CCND1: variants seen among roughly 807,000 people sequenced by gnomAD.
The protein encoded by CCND1 is G1/S-specific cyclin-D1.
A neutral mutation model predicts 26.1 loss-of-function variants in CCND1; 9 were observed. That is an observed-to-expected ratio of 0.35 (90% confidence interval 0.21 to 0.60). The LOEUF (loss-of-function observed/expected upper bound fraction) is 0.60, where lower values mean the gene tolerates loss of function less well. Ranked by LOEUF, CCND1 falls within the 20% of genes least tolerant of loss-of-function variation. CCND1 has a pLI of 0.79. For missense variants in CCND1, 335 were observed against 392.9 expected, an observed-to-expected ratio of 0.85 and a Z score of 1.25; for synonymous variants, 194 against 166.1, an observed-to-expected ratio of 1.17 and a Z score of -1.29.
chr11:69,651,885 G>A lies in CCND1; in HGVS notation c.*603G>A, dbSNP rs186742914. On this transcript the variant is annotated 3_prime_UTR_variant, in exon 5 of 5. Transcript: ENST00000227507. The stretch of plus-strand genomic sequence containing the variant: ...GTAGTCACTTTATAAGTCATTGTAT[G>A]TTATTATATTCCGTAGGTAGATGTG... 4.3e-6 allele frequency: 1 copy of A among 233,068 alleles called. No homozygotes were observed. The highest frequency in any genetic ancestry group is 6.0e-5 in the East Asian group (1 of 16,584). 14.4% of individuals were successfully genotyped at this position (233,068 alleles called of 1,614,324 possible).
In CCND1 at chr11:69,653,321, T is replaced by C. The variant is rs930309612; in HGVS notation, c.*2039T>C. On this transcript the variant is annotated 3_prime_UTR_variant, in exon 5 of 5. Coordinates refer to ENST00000227507, the MANE Select transcript of CCND1 (RefSeq NM_053056.3). ...GTATCTCTTTCACATTGTTTGCTGCTATTGGAGGATCAGTTTTTTGTTTTA... is the reference window on the plus strand; with the variant it reads ...GTATCTCTTTCACATTGTTTGCTGCCATTGGAGGATCAGTTTTTTGTTTTA... 1.4e-6 allele frequency: 1 copy of C among 702,830 alleles called. No individual in the cohort carries two copies. The highest frequency in any genetic ancestry group is 1.7e-5 in the African/African-American group (1 of 57,262). The allele number at this position is 702,830 out of a possible 1,614,324, so 43.5% of individuals were successfully genotyped here.
rs894594204 is a variant in CCND1, at chr11:69,652,464, G to A, written c.*1182G>A. On this transcript the variant is annotated 3_prime_UTR_variant, in exon 5 of 5. Coordinates refer to ENST00000227507, the MANE Select transcript of CCND1 (RefSeq NM_053056.3). ...GCAGTGGAGGTGGGGTGTTTGGGAGGCTGCGTGCCAGTCAAGAAGAAAAAG... is the reference window on the plus strand; with the variant it reads ...GCAGTGGAGGTGGGGTGTTTGGGAGACTGCGTGCCAGTCAAGAAGAAAAAG... 4.7e-5 allele frequency: 11 copies of A among 233,452 alleles called. No individual in the cohort carries two copies. Among genetic ancestry groups the A allele is most frequent in the Non-Finnish European group, 9.3e-5 (11 of 118,068 alleles). The allele number at this position is 233,452 out of a possible 1,614,324, so 14.5% of individuals were successfully genotyped here. A position where few individuals can be genotyped will look rare whatever the true frequency, so the allele number is the denominator to read the frequency against.
At chr11:69,643,754 GC>G in intron 2 of CCND1, 77 bp from the exon 3 acceptor site, 3 of 1,434,706 alleles carry the variant, frequency 2.1e-6, no homozygotes, top group Non-Finnish European at 2.9e-6. Flanking sequence ...GCGTGGCCCG[GC>G]CCCCGTGCTG....
intron 1 of CCND1, among the ~76,000 whole-genome samples, chr11:69,642,333 C>T (rs1464716435): frequency 3.3e-5 from 5 of 152,084 alleles, no homozygotes; most frequent in Admixed American, 6.5e-5. Flanking sequence ...TTCAGACCTT[C>T]GGTGGGCGCC....
At chr11:69,641,817 G>T (rs1488478047) in intron 1 of CCND1, among the ~76,000 whole-genome samples, 1 of 152,046 alleles carries the variant, frequency 6.6e-6, no homozygotes, top group Non-Finnish European at 1.5e-5. Context: ...TGGCAGGCTG[G>T]GTGCGCTTTG....
chr11:69,654,320 C>G lies in CCND1; in HGVS notation c.*3038C>G, dbSNP rs145912824. On this transcript the variant is annotated 3_prime_UTR_variant, in exon 5 of 5. Transcript: ENST00000227507. This position sits in a 1 kb window ranked among gnomAD's most constrained non-coding sequence, Gnocchi z 6.3. Reference sequence around the variant, plus strand: ...GGGCACAGCGGAGTCTGTCCTGTGACGCGCAAGTCTGAGGGTCTGGGCGGC... The same window carrying G: ...GGGCACAGCGGAGTCTGTCCTGTGAGGCGCAAGTCTGAGGGTCTGGGCGGC... 1.4e-6 allele frequency: 1 copy of G among 702,438 alleles called. No individual in the cohort carries two copies. The highest frequency in any genetic ancestry group is 2.0e-5 in the Admixed American group (1 of 49,992). 43.5% of individuals were successfully genotyped at this position (702,438 alleles called of 1,614,324 possible).
At position 69,653,427 on chromosome 11, in the gene CCND1, T is replaced by TA; in HGVS notation, c.*2145_*2146insA. The TA allele has an allele frequency of 1.6e-6, 1 of 633,364 alleles. No individual in the cohort carries two copies. The highest frequency in any genetic ancestry group is 2.8e-6 in the Non-Finnish European group (1 of 359,978). 39.2% of individuals were successfully genotyped at this position (633,364 alleles called of 1,614,324 possible). On this transcript the variant is annotated 3_prime_UTR_variant, in exon 5 of 5. Coordinates refer to ENST00000227507, the MANE Select transcript of CCND1 (RefSeq NM_053056.3). ...CAGATGCCTTTTTTGTAGTTTTTTT[T>TA]TTTTTTATGTGATCAATTTTGACTT...
In CCND1 at chr11:69,654,178, C is replaced by G; in HGVS notation, c.*2896C>G. 1.5e-6 allele frequency: 1 copy of G among 680,332 alleles called. No individual in the cohort carries two copies. The highest frequency in any genetic ancestry group is 1.5e-5 in the South Asian group (1 of 67,272). 42.1% of individuals were successfully genotyped at this position (680,332 alleles called of 1,614,324 possible). A position where few individuals can be genotyped will look rare whatever the true frequency, so the allele number is the denominator to read the frequency against. ...CTTACCTCAACCATCCTGGCTGCGG[C>G]GTCTGTCTGAACCACGCGGGGGCCT... On this transcript the variant is annotated 3_prime_UTR_variant, in exon 5 of 5. Coordinates refer to ENST00000227507, the MANE Select transcript of CCND1 (RefSeq NM_053056.3). This position sits in a 1 kb window ranked among gnomAD's most constrained non-coding sequence, Gnocchi z 6.3.
intron 3 of CCND1, among the ~76,000 whole-genome samples, chr11:69,645,707 G>A (rs1855769442): frequency 6.6e-6 from 1 of 152,224 alleles, no homozygotes; most frequent in Non-Finnish European, 1.5e-5. Context: ...CTTAAAGTCA[G>A]AAACAGGTTG....
Position 69,643,773 on chromosome 11 carries a change from CCCCGCGCCCCCGGGCTGG to C in CCND1, c.415-53_415-36del. 2.6e-6 allele frequency: 4 copies of C among 1,538,994 alleles called. No individual in the cohort carries two copies. In the East Asian group the frequency reaches 6.8e-5, roughly 26 times the overall value. On this transcript the variant is annotated intron_variant, in intron 2 of 4. Coordinates refer to ENST00000227507, the MANE Select transcript of CCND1 (RefSeq NM_053056.3). ...GGCCCGGCCCCCGTGCTGCCGGCTTCCCCGCGCCCCCGGGCTGGCCCGCACCTCCCCTGATGGCCGCTC... is the reference window on the plus strand; with the variant it reads ...GGCCCGGCCCCCGTGCTGCCGGCTTCCCCGCACCTCCCCTGATGGCCGCTC...
rs1304368091 is a variant in CCND1, at chr11:69,644,003, C to G, written c.574+12C>G. The stretch of plus-strand genomic sequence containing the variant: ...CCTCTGTGCCACAGGTAGGGCAGGC[C>G]CGGCAGCCCCCGGCCTCCCCTTGAG... On this transcript the variant is annotated intron_variant, in intron 3 of 4. Coordinates refer to ENST00000227507, the MANE Select transcript of CCND1 (RefSeq NM_053056.3). 6.2e-7 allele frequency: 1 copy of G among 1,612,782 alleles called. No homozygotes were observed. The highest frequency in any genetic ancestry group is 8.5e-7 in the Non-Finnish European group (1 of 1,179,876).
chr11:69,641,196 C>T lies in CCND1; in HGVS notation c.-118C>T. 2.0e-6 allele frequency: 2 copies of T among 1,022,214 alleles called. No individual in the cohort carries two copies. Among genetic ancestry groups the T allele is most frequent in the Non-Finnish European group, 3.0e-6 (2 of 670,782 alleles). The allele number at this position is 1,022,214 out of a possible 1,614,324, so 63.3% of individuals were successfully genotyped here. A position where few individuals can be genotyped will look rare whatever the true frequency, so the allele number is the denominator to read the frequency against. On this transcript the variant is annotated 5_prime_UTR_variant, in exon 1 of 5. Coordinates refer to ENST00000227507, the MANE Select transcript of CCND1 (RefSeq NM_053056.3). The stretch of plus-strand genomic sequence containing the variant: ...CAGTAGCAGCGAGCAGCAGAGTCCG[C>T]ACGCTCCGGCGAGGGGCAGAAGAGC...
In CCND1 at chr11:69,652,263, C is replaced by T. The variant is rs1855865570; in HGVS notation, c.*981C>T. On this transcript the variant is annotated 3_prime_UTR_variant, in exon 5 of 5. Coordinates refer to ENST00000227507, the MANE Select transcript of CCND1 (RefSeq NM_053056.3). ...AACCCACAGCTACTTGGTTTGTGTT[C>T]TTCTTCATATTCTAAAACCATTCCA... 1 of 233,712 alleles carries T rather than the reference C, an allele frequency of 4.3e-6. No homozygotes were observed. Among genetic ancestry groups the T allele is most frequent in the East Asian group, 6.0e-5 (1 of 16,602 alleles). 14.5% of individuals were successfully genotyped at this position (233,712 alleles called of 1,614,324 possible). A position where few individuals can be genotyped will look rare whatever the true frequency, so the allele number is the denominator to read the frequency against.
intron 4 of CCND1, 47 bp from the exon 5 acceptor site, chr11:69,651,071 T>G: frequency 6.3e-7 from 1 of 1,581,714 alleles, no homozygotes. Context: ...TGCAGGCCCC[T>G]TCTAAGGACC....
rs3918301 is a variant in CCND1 at position 69,648,671 on chromosome 11, G to A, written c.723+529G>A. Reference sequence around the variant, plus strand: ...TTAAAAATGCCATTGTTTTATTCCCGAGTCTTTTCTTAAAGAAAGAATTAA... The same window carrying A: ...TTAAAAATGCCATTGTTTTATTCCCAAGTCTTTTCTTAAAGAAAGAATTAA... On this transcript the variant is annotated intron_variant, in intron 4 of 4. Transcript: ENST00000227507. Among the ~76,000 whole-genome samples, 1,327 of 151,986 alleles carry A rather than the reference G, an allele frequency of 8.7e-3. 29 individuals carry two copies. The highest frequency in any genetic ancestry group is 0.03 in the African/African-American group (1,257 of 41,546).
intron 2 of CCND1, 101 bp downstream of exon 2, chr11:69,643,347 T>A (rs1340587696): frequency 2.2e-6 from 2 of 893,770 alleles, no homozygotes; most frequent in Non-Finnish European, 3.3e-6. Flanking sequence ...GCCTCTGACA[T>A]ATCTGCTCCT....
rs769921935 is a variant in CCND1, at chr11:69,651,262, G to A, written c.868G>A (p.Val290Met). 7.1e-6 allele frequency: 11 copies of A among 1,552,444 alleles called. No individual in the cohort carries two copies. The East Asian group carries it at 9.6e-5, about 14-fold the overall frequency. The change falls in exon 5 of 5, where the codon GTG becomes ATG. Residue 290 changes from valine to methionine, a missense_variant. Val to Met is a conservative substitution (Grantham distance 21). Transcript: ENST00000227507. ...EVDLACTPTD[V>M]RDVDI ...GGACCTGGCTTGCACACCCACCGAC[G>A]TGCGGGACGTGGACATCTGAGGGCG...
At chr11:69,645,640 G>A (rs1855768708) in intron 3 of CCND1, among the ~76,000 whole-genome samples, 1 of 152,222 alleles carries the variant, frequency 6.6e-6, no homozygotes, top group South Asian at 2.1e-4. Flanking sequence ...ACGTAACTGA[G>A]CAGCCAGTGC....
chr11:69,651,320 G>T lies in CCND1; in HGVS notation c.*38G>T. The T allele has an allele frequency of 7.0e-7, 1 of 1,428,696 alleles. No homozygotes were observed. 88.5% of individuals were successfully genotyped at this position (1,428,696 alleles called of 1,614,324 possible). On this transcript the variant is annotated 3_prime_UTR_variant, in exon 5 of 5. Coordinates refer to ENST00000227507, the MANE Select transcript of CCND1 (RefSeq NM_053056.3). ...GGCGGGCGCCACCGCCACCCGCAGCGAGGGCGGAGCCGGCCCCAGGTGCTC... is the reference window on the plus strand; with the variant it reads ...GGCGGGCGCCACCGCCACCCGCAGCTAGGGCGGAGCCGGCCCCAGGTGCTC...
Sources: allele counts gnomAD v4.1 joint callset (sites outside exome capture counted in the v4.1 genomes callset), GRCh38; gene constraint gnomAD v4.1.1; non-coding constraint Gnocchi (gnomAD v3.1); transcripts MANE v1.5; gene names NCBI Gene and HGNC (gene_info 2026-07-23, HGNC 2026-07-21).